Variants in PDE8B observed in about 807,000 individuals in gnomAD.
PDE8B encodes phosphodiesterase 8B, also known as high affinity cAMP-specific and IBMX-insensitive 3',5'-cyclic phosphodiesterase 8B.
Under a neutral mutation model 101.3 loss-of-function variants are expected in PDE8B, and 26 were observed. The ratio of observed to expected loss-of-function variants is 0.26; its 90% CI spans 0.19 to 0.36. PDE8B has a LOEUF of 0.36. Ranked by LOEUF, PDE8B falls within the 10% of genes least tolerant of loss-of-function variation. The pLI is 1.00. For synonymous variants in PDE8B, 424 were observed against 429.3 expected, an observed-to-expected ratio of 0.99 and a Z score of 0.15; for missense variants, 810 against 1,163.1, an observed-to-expected ratio of 0.70 and a Z score of 4.42.
intron 10 of PDE8B, among the ~76,000 whole-genome samples, chr5:77,389,341 G>A (rs1206320397): frequency 6.6e-6 from 1 of 152,144 alleles, no homozygotes; most frequent in Non-Finnish European, 1.5e-5. Context: ...CCGACCACTT[G>A]TGTTTCCCAG....
chr5:77,372,181 T>C (rs1252863426), intron 10 of PDE8B, among the ~76,000 whole-genome samples: 2 of 151,174 alleles, frequency 1.3e-5, no homozygotes, highest in Non-Finnish European at 2.9e-5. Context: ...GCCTGGGTGA[T>C]AGAGTGAGAT....
chr5:77,171,070 C>A, the PDE8B span, among the ~76,000 whole-genome samples: 3 of 152,096 alleles, frequency 2.0e-5, no homozygotes, highest in African/African-American at 7.2e-5. Flanking sequence ...AGAAAATGCT[C>A]CAAGTATCTA....
intron 10 of PDE8B, among the ~76,000 whole-genome samples, chr5:77,378,044 ACAC>A (rs752104300): frequency 0.03 from 3,131 of 104,992 alleles, 42 homozygotes; most frequent in Middle Eastern, 0.067. Flanking sequence ...ACACACACAC[ACAC>A]ACCCCCTGTT....
chr5:77,190,609 G>C, the PDE8B span, among the ~76,000 whole-genome samples: 3 of 152,216 alleles, frequency 2.0e-5, no homozygotes, highest in African/African-American at 7.2e-5. Context: ...AGATGAGTGT[G>C]ATGGAGGTGC....
intron 1 of PDE8B, among the ~76,000 whole-genome samples, chr5:77,281,330 C>T (rs539840427): frequency 1.3e-5 from 2 of 152,312 alleles, no homozygotes; most frequent in South Asian, 4.1e-4. Context: ...TTTTAGTTTC[C>T]TCTTGTTGCT....
chr5:77,136,037 C>CT, the PDE8B span, among the ~76,000 whole-genome samples: 5 of 152,122 alleles, frequency 3.3e-5, no homozygotes, highest in Non-Finnish European at 7.4e-5. Context: ...TCTTTCAGTT[C>CT]TGTTTTCTAA....
intron 2 of PDE8B, among the ~76,000 whole-genome samples, chr5:77,312,434 C>A (rs750073128): frequency 6.6e-6 from 1 of 152,150 alleles, no homozygotes; most frequent in East Asian, 1.9e-4. Flanking sequence ...AAGACCTAAA[C>A]ATTTCCCCAT....
At chr5:77,363,862 G>T (rs1055260050) in intron 10 of PDE8B, among the ~76,000 whole-genome samples, 3 of 152,140 alleles carry the variant, frequency 2.0e-5, no homozygotes, top group African/African-American at 7.2e-5. Flanking sequence ...TACAGTTGGT[G>T]CCCAGATGCT....
chr5:77,114,052 C>T, the PDE8B span: 2 of 152,182 alleles, frequency 1.3e-5, no homozygotes, highest in Admixed American at 6.5e-5. Context: ...AATGCTTTTA[C>T]ACTGTTGGTG....
At chr5:77,194,364 G>A in the PDE8B span, among the ~76,000 whole-genome samples, 5 of 152,250 alleles carry the variant, frequency 3.3e-5, no homozygotes, top group Non-Finnish European at 7.4e-5. Context: ...TACACCTATC[G>A]AAATGATGTT....
chr5:77,185,793 G>A, the PDE8B span, among the ~76,000 whole-genome samples: 2 of 151,844 alleles, frequency 1.3e-5, no homozygotes, highest in African/African-American at 2.4e-5. Flanking sequence ...TATTTAAAGC[G>A]GCCCAATGTT....
At chr5:77,366,518 C>G (rs910117733) in intron 10 of PDE8B, among the ~76,000 whole-genome samples, 1 of 152,122 alleles carries the variant, frequency 6.6e-6, no homozygotes, top group Admixed American at 6.6e-5. Context: ...GCAGGGGCAG[C>G]TTTTTGCATT....
At chr5:77,136,014 G>T in the PDE8B span, among the ~76,000 whole-genome samples, 2 of 151,902 alleles carry the variant, frequency 1.3e-5, no homozygotes, top group South Asian at 4.1e-4. Context: ...TTCCTCTATT[G>T]CCCACATCTT....
intron 10 of PDE8B, among the ~76,000 whole-genome samples, chr5:77,365,564 A>G (rs948847306): frequency 1.3e-5 from 2 of 152,190 alleles, no homozygotes; most frequent in Admixed American, 1.3e-4. Flanking sequence ...TGGCACACAG[A>G]AAATATCTAT....
At chr5:77,199,884 G>T in the PDE8B span, among the ~76,000 whole-genome samples, 1 of 152,116 alleles carries the variant, frequency 6.6e-6, no homozygotes, top group South Asian at 2.1e-4. Flanking sequence ...GAAAATAATT[G>T]TATCTGTTTT....
chr5:77,370,546 T>C (rs1784908354), intron 10 of PDE8B, among the ~76,000 whole-genome samples: 1 of 152,266 alleles, frequency 6.6e-6, no homozygotes, highest in African/African-American at 2.4e-5. Flanking sequence ...ACAGTTTGTT[T>C]ATCCATTCTC....
the PDE8B span, among the ~76,000 whole-genome samples, chr5:77,180,977 TG>T: frequency 4.0e-5 from 5 of 124,996 alleles, 1 homozygote; most frequent in South Asian, 1.6e-3. Flanking sequence ...CGTGTGTGTG[TG>T]TGTGTGTGTG....
chr5:77,407,544 A>C, intron 13 of PDE8B, 87 bp downstream of exon 13: 9 of 944,830 alleles, frequency 9.5e-6, no homozygotes, highest in Non-Finnish European at 1.6e-5. Context: ...GACATCATGG[A>C]GCTCAGTCTA....
chr5:77,218,277 T>C (rs1417982995), intron 1 of PDE8B, among the ~76,000 whole-genome samples: 1 of 152,266 alleles, frequency 6.6e-6, no homozygotes, highest in Non-Finnish European at 1.5e-5. Flanking sequence ...TGCTATTTGC[T>C]GAGCACTTTA....
Sources: allele counts gnomAD v4.1 joint callset (sites outside exome capture counted in the v4.1 genomes callset), GRCh38; gene constraint gnomAD v4.1.1; transcripts MANE v1.5; gene names NCBI Gene and HGNC (gene_info 2026-07-23, HGNC 2026-07-21).